The following DAB1 variants were observed in gnomAD, a reference collection of about 807,000 sequenced individuals.
DAB1 encodes the protein DAB adaptor protein 1, also known as disabled homolog 1.
Under a neutral mutation model 64.6 loss-of-function variants are expected in DAB1, and 15 were observed. That is an observed-to-expected ratio of 0.23 (90% CI 0.16 to 0.36). The LOEUF is 0.36. Among genes scored for constraint, DAB1 ranks in the 10% least tolerant of loss-of-function variants. The pLI is 1.00. For missense variants in DAB1, 596 were observed against 706.7 expected (o/e 0.84, Z 1.78); for synonymous variants, 235 against 251.9 (o/e 0.93, Z 0.64).
chr1:57,964,787 T>C (rs1210570671), intron 5 of DAB1, among the ~76,000 whole-genome samples: 1 of 152,006 alleles, frequency 6.6e-6, no homozygotes, highest in Non-Finnish European at 1.5e-5. Context: ...ACAGCAGAAA[T>C]ATAAAATCTA....
intron 5 of DAB1, among the ~76,000 whole-genome samples, chr1:58,089,566 A>C (rs1324717567): frequency 6.6e-6 from 1 of 152,218 alleles, no homozygotes; most frequent in Admixed American, 6.5e-5. Flanking sequence ...AAAAAATAAA[A>C]TGGTCTGAAT....
In DAB1 at chr1:57,542,225, A is replaced by G. The variant is rs372439261; in HGVS notation, n.625+107367T>C. Among the ~76,000 whole-genome samples the G allele has an allele frequency of 7.2e-5, 11 of 152,078 alleles. No individual in the cohort carries two copies. The South Asian group carries it at 1.0e-3, about 14-fold the overall frequency. ...AAGTGTTGTTTATCTTCCTCCTGAAACCACTCAGTACACAGCCAGAACCAG... is the reference window on the plus strand; with the variant it reads ...AAGTGTTGTTTATCTTCCTCCTGAAGCCACTCAGTACACAGCCAGAACCAG... On this transcript the variant is annotated intron_variant and non_coding_transcript_variant, in intron 7 of 20. Coordinates refer to the DAB1 transcript ENST00000485760.
chr1:57,252,379 G>A (rs1669412876), intron 2 of DAB1, among the ~76,000 whole-genome samples: 2 of 152,174 alleles, frequency 1.3e-5, no homozygotes, highest in African/African-American at 2.4e-5. Flanking sequence ...GAGTCTATTT[G>A]ATTCCATTGA....
At chr1:58,272,761 T>A (rs1476677941) in intron 4 of DAB1, among the ~76,000 whole-genome samples, 2 of 152,166 alleles carry the variant, frequency 1.3e-5, no homozygotes, top group Non-Finnish European at 2.9e-5. Context: ...GTTGAATTGA[T>A]CCCTTTACCA....
At chr1:57,906,955 G>C (rs910527099) in intron 5 of DAB1, among the ~76,000 whole-genome samples, 2 of 151,678 alleles carry the variant, frequency 1.3e-5, no homozygotes, top group Admixed American at 1.3e-4. Context: ...TAGATAGATA[G>C]ATAGATAGAT....
chr1:57,188,939 A>T (rs141240180), intron 2 of DAB1, among the ~76,000 whole-genome samples: 86 of 152,312 alleles, frequency 5.6e-4, no homozygotes, highest in African/African-American at 2.0e-3. Context: ...ATTTTCCCTC[A>T]GTTGAGAAAT....
At chr1:58,352,182 T>G (rs1364593700) in intron 3 of DAB1, among the ~76,000 whole-genome samples, 2 of 152,004 alleles carry the variant, frequency 1.3e-5, no homozygotes, top group Non-Finnish European at 2.9e-5. Flanking sequence ...GAAGCACTGA[T>G]TTTCTCTCCA....
intron 2 of DAB1, among the ~76,000 whole-genome samples, chr1:57,188,375 G>A (rs527789587): frequency 2.6e-5 from 4 of 151,988 alleles, no homozygotes; most frequent in East Asian, 3.9e-4. Flanking sequence ...GTGAGTAATC[G>A]ACAGAAAAAG....
chr1:57,605,809 T>G, intron 7 of DAB1: 1 of 463,754 alleles, frequency 2.2e-6, no homozygotes, highest in South Asian at 2.3e-5. Flanking sequence ...TTTTTTTTAT[T>G]TTAAACAACC....
At chr1:57,176,926 T>C (rs2100948555) in intron 2 of DAB1, among the ~76,000 whole-genome samples, 1 of 142,118 alleles carries the variant, frequency 7.0e-6, no homozygotes, top group East Asian at 2.0e-4. Flanking sequence ...AGGATTATTT[T>C]GAGCTAAAGG....
intron 7 of DAB1, among the ~76,000 whole-genome samples, chr1:57,615,349 T>C (rs1645779761): frequency 6.6e-6 from 1 of 152,208 alleles, no homozygotes; most frequent in Non-Finnish European, 1.5e-5. Flanking sequence ...TAGCATGCTG[T>C]CTTGCTTTTT....
chr1:58,086,841 T>C (rs992206960), intron 5 of DAB1, among the ~76,000 whole-genome samples: 2 of 152,006 alleles, frequency 1.3e-5, no homozygotes, highest in Non-Finnish European at 2.9e-5. Flanking sequence ...TAAGATGTCT[T>C]TTCCTTTCAA....
chr1:57,951,470 C>T (rs1478083332), intron 5 of DAB1, among the ~76,000 whole-genome samples: 2 of 151,712 alleles, frequency 1.3e-5, no homozygotes, highest in Middle Eastern at 3.4e-3. Flanking sequence ...TGAAGCTTCC[C>T]TATTGCAAAG....
Position 58,389,499 on chromosome 1 carries a change from A to T in DAB1, n.258-46096T>A, listed in dbSNP as rs187564746. Among the ~76,000 whole-genome samples the T allele has an allele frequency of 2.1e-3, 318 of 152,276 alleles. 1 individual carries two copies. The highest frequency in any genetic ancestry group is 2.8e-3 in the Non-Finnish European group (191 of 68,024). On this transcript the variant is annotated intron_variant and non_coding_transcript_variant, in intron 3 of 20. Coordinates refer to the DAB1 transcript ENST00000485760. Reference sequence around the variant, plus strand: ...TTCAGCATCCAAATTAGTGTCAACCACTTTGGAGGCAACATGGCATAGGAT... The same window carrying T: ...TTCAGCATCCAAATTAGTGTCAACCTCTTTGGAGGCAACATGGCATAGGAT...
Position 57,647,438 on chromosome 1 carries a change from A to G in DAB1, n.625+2154T>C, listed in dbSNP as rs139519524. On this transcript the variant is annotated intron_variant and non_coding_transcript_variant, in intron 7 of 20. Transcript: ENST00000485760. The stretch of plus-strand genomic sequence containing the variant: ...CAGGGCTCCCACCTTCTCCAAGGGT[A>G]GGCTTTGCTTACTTATTTTCTTTTT... 2.5e-3 allele frequency among the ~76,000 whole-genome samples: 375 copies of G among 152,254 alleles called. 2 individuals carry two copies. Among genetic ancestry groups the G allele is most frequent in the African/African-American group, 8.1e-3 (338 of 41,550 alleles).
At chr1:57,118,290 T>C (rs886580158) in intron 4 of DAB1, among the ~76,000 whole-genome samples, 2 of 152,016 alleles carry the variant, frequency 1.3e-5, no homozygotes, top group Non-Finnish European at 2.9e-5. Context: ...CAAATTTTCA[T>C]GAAAGGAAAA....
chr1:57,176,852 T>C (rs1370674411), intron 2 of DAB1, among the ~76,000 whole-genome samples: 1 of 151,416 alleles, frequency 6.6e-6, no homozygotes, highest in Non-Finnish European at 1.5e-5. Flanking sequence ...TCTATCTTTC[T>C]AATATGAACT....
chr1:58,446,060 G>C (rs1230713150), intron 3 of DAB1, among the ~76,000 whole-genome samples: 1 of 152,168 alleles, frequency 6.6e-6, no homozygotes, highest in Admixed American at 6.5e-5. Flanking sequence ...CGGACAACCA[G>C]CATGGCTTCC....
chr1:57,268,433 C>G (rs564968203), intron 2 of DAB1, among the ~76,000 whole-genome samples: 1 of 152,188 alleles, frequency 6.6e-6, no homozygotes, highest in Non-Finnish European at 1.5e-5. Context: ...ATCCAGATAA[C>G]TCTTTGTGAA....
Sources: gnomAD v4.1 joint callset for allele counts (sites outside exome capture counted in the v4.1 genomes callset) on GRCh38, gnomAD v4.1.1 for gene constraint, MANE v1.5 for transcripts, NCBI Gene and HGNC (gene_info 2026-07-23, HGNC 2026-07-21) for gene names.